The following CPE variants were observed in gnomAD, a reference collection of about 807,000 sequenced individuals.
CPE encodes the protein carboxypeptidase E.
Under a neutral mutation model 53.5 loss-of-function variants are expected in CPE, and 17 were observed. The observed-to-expected ratio is 0.32, with a 90% CI of 0.22 to 0.48. The LOEUF (loss-of-function observed/expected upper bound fraction) is 0.48. Among genes scored for constraint, CPE ranks in the 20% least tolerant of loss-of-function variants. The probability of loss-of-function intolerance (pLI) is 0.99; values close to 1 mark genes in which losing one functional copy is unlikely to be tolerated. For missense variants in CPE, 524 were observed against 614.7 expected (o/e 0.85, Z 1.56); for synonymous variants, 226 against 228.8 (o/e 0.99, Z 0.11).
chr4:165,434,262 G>T (rs1247391934), intron 1 of CPE, among the ~76,000 whole-genome samples: 1 of 152,062 alleles, frequency 6.6e-6, no homozygotes, highest in Non-Finnish European at 1.5e-5. Flanking sequence ...ATTTTGTCTA[G>T]TGCTTTGTAT....
intron 7 of CPE, among the ~76,000 whole-genome samples, chr4:165,494,389 C>T (rs1732666061): frequency 6.6e-6 from 1 of 152,158 alleles, no homozygotes; most frequent in South Asian, 2.1e-4. Context: ...TAGAATACTC[C>T]AGCTTTTCAG....
intron 1 of CPE, chr4:165,386,360 G>T (rs767375973): frequency 9.0e-6 from 4 of 442,002 alleles, no homozygotes; most frequent in South Asian, 6.8e-5. Context: ...TGAATGTCTA[G>T]TATTATGCTT....
chr4:165,405,909 G>T, intron 1 of CPE: 1 of 732,050 alleles, frequency 1.4e-6, no homozygotes, highest in Non-Finnish European at 2.6e-6. Flanking sequence ...GGCATAAAAT[G>T]GCAGGATCCA....
At chr4:165,408,851 C>A (rs1302944393) in intron 1 of CPE, among the ~76,000 whole-genome samples, 6 of 152,088 alleles carry the variant, frequency 3.9e-5, no homozygotes, top group African/African-American at 1.4e-4. Flanking sequence ...GAGGGAGACA[C>A]AGAGAGAATA....
intron 4 of CPE, among the ~76,000 whole-genome samples, chr4:165,483,815 T>G (rs185985758): frequency 6.6e-6 from 1 of 152,342 alleles, no homozygotes; most frequent in African/African-American, 2.4e-5. Flanking sequence ...AATGGGGTTG[T>G]TGGGATGATA....
chr4:165,482,316 A>G lies in CPE; in HGVS notation c.747A>G (p.Gly249=). Reference sequence around the variant, plus strand: ...TTGTGCTTTCTGCCAATCTCCATGGAGGAGACCTTGTGGCCAATTATCCAT... The same window carrying G: ...TTGTGCTTTCTGCCAATCTCCATGGGGGAGACCTTGTGGCCAATTATCCAT... ...IPFVLSANLH[G]GDLVANYPYD... is the part of the protein sequence containing the mutation. The change falls in exon 4 of 9, where the codon GGA becomes GGG. Residue 249 remains glycine, a synonymous_variant. Transcript: ENST00000402744. The G allele has an allele frequency of 3.1e-6, 5 of 1,613,986 alleles. No individual in the cohort carries two copies. The highest frequency in any genetic ancestry group is 4.2e-6 in the Non-Finnish European group (5 of 1,179,890).
At chr4:165,390,432 C>A (rs556835966) in intron 1 of CPE, among the ~76,000 whole-genome samples, 2 of 152,204 alleles carry the variant, frequency 1.3e-5, no homozygotes, top group African/African-American at 4.8e-5. Context: ...GAATTTTTGC[C>A]GCCATTTCTT....
intron 1 of CPE, among the ~76,000 whole-genome samples, chr4:165,389,269 T>G (rs1490894001): frequency 6.6e-6 from 1 of 152,190 alleles, no homozygotes. Flanking sequence ...CGTCTTTGTT[T>G]TAAATTTCAA....
chr4:165,431,645 C>G (rs568543109), intron 1 of CPE, among the ~76,000 whole-genome samples: 8 of 152,224 alleles, frequency 5.3e-5, no homozygotes, highest in African/African-American at 1.9e-4. Flanking sequence ...TGGACAGATT[C>G]TGGTTTTTTC....
At chr4:165,492,787 A>G (rs1200600946) in intron 6 of CPE, among the ~76,000 whole-genome samples, 1 of 152,208 alleles carries the variant, frequency 6.6e-6, no homozygotes, top group African/African-American at 2.4e-5. Flanking sequence ...TACCAGGCCC[A>G]GGGTGTGGCC....
chr4:165,492,452 C>T (rs960859922), intron 6 of CPE, among the ~76,000 whole-genome samples: 8 of 152,112 alleles, frequency 5.3e-5, no homozygotes, highest in Non-Finnish European at 1.0e-4. Flanking sequence ...TGGAGCAGGA[C>T]GAGCTGCAGA....
chr4:165,394,421 CCTAAGAGAA>C (rs1400168904), intron 1 of CPE, among the ~76,000 whole-genome samples: 1 of 152,100 alleles, frequency 6.6e-6, no homozygotes, highest in African/African-American at 2.4e-5. Context: ...GAATCCTGGT[CCTAAGAGAA>C]CATGACCATT....
intron 6 of CPE, among the ~76,000 whole-genome samples, chr4:165,488,065 A>G (rs1172600825): frequency 2.0e-5 from 3 of 152,042 alleles, no homozygotes; most frequent in Admixed American, 2.0e-4. Context: ...ATCACAGGTA[A>G]TAATAATAAT....
intron 5 of CPE, among the ~76,000 whole-genome samples, 175 bp from the exon 6 acceptor site, chr4:165,487,263 C>T (rs1732520645): frequency 6.6e-6 from 1 of 152,146 alleles, no homozygotes; most frequent in South Asian, 2.1e-4. Context: ...ATAACAACCC[C>T]CGACCTATGT....
At chr4:165,446,058 C>A (rs1240551763) in intron 1 of CPE, among the ~76,000 whole-genome samples, 2 of 151,788 alleles carry the variant, frequency 1.3e-5, no homozygotes, top group Non-Finnish European at 2.9e-5. Context: ...TAAAATGAAA[C>A]CACAAATTCA....
At chr4:165,485,228 T>C (rs1732488064) in intron 5 of CPE, among the ~76,000 whole-genome samples, 1 of 152,176 alleles carries the variant, frequency 6.6e-6, no homozygotes, top group African/African-American at 2.4e-5. Context: ...CAAGGCGGAC[T>C]TTACAGAGCT....
intron 1 of CPE, chr4:165,418,230 C>G (rs1731157024): frequency 6.6e-6 from 1 of 152,208 alleles, no homozygotes; most frequent in Non-Finnish European, 1.5e-5. Flanking sequence ...AATCAGGAGA[C>G]ACAAGAGTGG....
chr4:165,396,122 T>G (rs983168326), intron 1 of CPE, among the ~76,000 whole-genome samples: 1 of 152,210 alleles, frequency 6.6e-6, no homozygotes, highest in Non-Finnish European at 1.5e-5. Context: ...TAAAAATACT[T>G]TTTAGATAAC....
At chr4:165,424,406 CTT>C (rs34154868) in intron 1 of CPE, among the ~76,000 whole-genome samples, 45,324 of 151,112 alleles carry the variant, frequency 0.3, 6,831 homozygotes, top group Middle Eastern at 0.39. Context: ...ATATAAATGA[CTT>C]ATATTGATTA....
Sources: allele counts gnomAD v4.1 joint callset (sites outside exome capture counted in the v4.1 genomes callset), GRCh38; gene constraint gnomAD v4.1.1; transcripts MANE v1.5; gene names NCBI Gene and HGNC (gene_info 2026-07-23, HGNC 2026-07-21).